Variants in FNIP2 observed in about 807,000 individuals in gnomAD.
FNIP2 encodes the protein folliculin interacting protein 2, also known as folliculin-interacting protein 2.
A neutral mutation model predicts 108.7 loss-of-function variants in FNIP2; 32 were observed. The observed-to-expected ratio is 0.29, with a 90% CI of 0.22 to 0.40. FNIP2 has a LOEUF of 0.40. Ranked by LOEUF, FNIP2 falls within the 10% of genes least tolerant of loss-of-function variation. The pLI, the probability that FNIP2 is intolerant of heterozygous loss-of-function variation, is 1.00. For missense variants in FNIP2, 1,202 were observed against 1,381.6 expected, an observed-to-expected ratio of 0.87 and a Z score of 2.06; for synonymous variants, 480 against 496.7, an observed-to-expected ratio of 0.97 and a Z score of 0.45.
In FNIP2 at chr4:158,859,563, T is replaced by C; in HGVS notation, c.1060-15T>C. On this transcript the variant is annotated splice_polypyrimidine_tract_variant and intron_variant, in intron 9 of 16. Transcript: ENST00000264433. ...TTTCTTCTCAGTAATTTGACTTGCT[T>C]TCTCTTCAATAAAGGCTATGATCTC... 1 of 1,606,614 alleles carries C rather than the reference T, an allele frequency of 6.2e-7. No homozygotes were observed. The highest frequency in any genetic ancestry group is 8.5e-7 in the Non-Finnish European group (1 of 1,175,162).
At chr4:158,795,045 T>G (rs1326146637) in intron 1 of FNIP2, among the ~76,000 whole-genome samples, 1 of 152,258 alleles carries the variant, frequency 6.6e-6, no homozygotes, top group Non-Finnish European at 1.5e-5. Flanking sequence ...ATGACAGTTC[T>G]ACTGGATGGA....
rs998307787 is a variant in FNIP2, at chr4:158,843,878, C to T, written c.728-7443C>T. Among the ~76,000 whole-genome samples, 3 of 152,186 alleles carry T rather than the reference C, an allele frequency of 2.0e-5. No individual in the cohort carries two copies. The South Asian group carries it at 6.2e-4, about 32-fold the overall frequency. On this transcript the variant is annotated intron_variant, in intron 7 of 16. Coordinates refer to ENST00000264433, the MANE Select transcript of FNIP2 (RefSeq NM_020840.3). ...TGCAGCATCCTTTCCCTAGATGTCT[C>T]CTTGCAAATGAAAATGCTTGGCAGG... is the stretch of plus-strand genomic sequence containing the variant.
At chr4:158,801,616 A>T (rs1776765873) in intron 1 of FNIP2, among the ~76,000 whole-genome samples, 1 of 152,184 alleles carries the variant, frequency 6.6e-6, no homozygotes, top group Non-Finnish European at 1.5e-5. Flanking sequence ...ATCTGTTAAG[A>T]GAAGATATTA....
chr4:158,860,856 C>T (rs995236758), intron 10 of FNIP2, among the ~76,000 whole-genome samples: 1 of 151,976 alleles, frequency 6.6e-6, no homozygotes, highest in Admixed American at 6.5e-5. Context: ...GGGGTTTCAC[C>T]ATATTGGCCA....
chr4:158,838,916 C>A (rs533567110), intron 7 of FNIP2, among the ~76,000 whole-genome samples: 5 of 152,172 alleles, frequency 3.3e-5, no homozygotes, highest in Admixed American at 3.3e-4. Flanking sequence ...TTGTAGATTG[C>A]CCCATTATTA....
intron 5 of FNIP2, 144 bp from the exon 6 acceptor site, chr4:158,833,384 A>G: frequency 1.8e-6 from 1 of 562,188 alleles, no homozygotes; most frequent in Non-Finnish European, 3.2e-6. Context: ...TCCCTTTGGT[A>G]GATGTGAGAC....
chr4:158,872,783 C>CAA, intron 14 of FNIP2: 1 of 956,400 alleles, frequency 1.0e-6, no homozygotes, highest in Non-Finnish European at 1.2e-6. Context: ...CATCCATTTA[C>CAA]AAACATTTGT....
chr4:158,880,169 A>G (rs1470115326), intron 14 of FNIP2, among the ~76,000 whole-genome samples: 1 of 150,984 alleles, frequency 6.6e-6, no homozygotes, highest in Non-Finnish European at 1.5e-5. Context: ...CACTATTCAC[A>G]ATAGCAAAGA....
At chr4:158,775,221 G>T (rs757242131) in intron 1 of FNIP2, among the ~76,000 whole-genome samples, 12 of 152,144 alleles carry the variant, frequency 7.9e-5, no homozygotes, top group South Asian at 2.1e-4. Flanking sequence ...GTTTTTCTTG[G>T]TGTGGGTGAA....
intron 14 of FNIP2, among the ~76,000 whole-genome samples, chr4:158,888,831 G>A (rs138534936): frequency 2.0e-4 from 30 of 150,476 alleles, no homozygotes; most frequent in African/African-American, 7.1e-4. Flanking sequence ...GCAGTGAGCC[G>A]AGATTGCACC....
intron 7 of FNIP2, among the ~76,000 whole-genome samples, chr4:158,850,834 T>A (rs937887518): frequency 2.6e-5 from 4 of 151,918 alleles, no homozygotes; most frequent in African/African-American, 9.7e-5. Context: ...GTGGACCATT[T>A]TAGTAGAAAT....
At chr4:158,801,946 C>CAAAGCCCAT (rs1776777708) in intron 1 of FNIP2, among the ~76,000 whole-genome samples, 1 of 152,272 alleles carries the variant, frequency 6.6e-6, no homozygotes, top group East Asian at 1.9e-4. Context: ...GATCTGTCTC[C>CAAAGCCCAT]AAAGCCCATT....
At chr4:158,833,355 C>T (rs1778585086) in intron 5 of FNIP2, among the ~76,000 whole-genome samples, 173 bp from the exon 6 acceptor site, 1 of 152,166 alleles carries the variant, frequency 6.6e-6, no homozygotes, top group African/African-American at 2.4e-5. Flanking sequence ...ACAAATTCAC[C>T]TGAAGTTGCA....
At chr4:158,830,248 C>CTTTTT (rs35746599) in intron 3 of FNIP2, among the ~76,000 whole-genome samples, 154 of 63,956 alleles carry the variant, frequency 2.4e-3, no homozygotes, top group African/African-American at 5.9e-3. Flanking sequence ...ATTTATCTTT[C>CTTTTT]TTTTTTTTTT....
Position 158,826,027 on chromosome 4 carries a change from G to A in FNIP2, c.219G>A (p.Glu73=). 1 of 1,607,078 alleles carries A rather than the reference G, an allele frequency of 6.2e-7. No individual in the cohort carries two copies. The highest frequency in any genetic ancestry group is 8.5e-7 in the Non-Finnish European group (1 of 1,174,338). ...ACTCTAAAGCTGTTCAAAAGATTGA[G>A]GAGGTGACAGCTCAGGTATGAAATG... The part of the protein sequence containing the change: ...LFDSKAVQKI[E]EVTAQKTEDV... Residue 73 remains glutamate (E), a synonymous_variant, in exon 2 of 17, where the codon GAG becomes GAA. Transcript: ENST00000264433.
intron 12 of FNIP2, 86 bp downstream of exon 12, chr4:158,861,862 C>T: frequency 6.9e-7 from 1 of 1,457,390 alleles, no homozygotes; most frequent in Non-Finnish European, 9.4e-7. Flanking sequence ...CCGGCTCTCT[C>T]ACCCAGTAAT....
At chr4:158,840,330 G>A (rs190419316) in intron 7 of FNIP2, among the ~76,000 whole-genome samples, 14 of 152,278 alleles carry the variant, frequency 9.2e-5, no homozygotes, top group Admixed American at 8.5e-4. Context: ...ATAGTCAGCT[G>A]TAATTTAGAA....
At chr4:158,857,825 G>T (rs1020908883) in intron 8 of FNIP2, among the ~76,000 whole-genome samples, 2 of 151,256 alleles carry the variant, frequency 1.3e-5, no homozygotes, top group African/African-American at 4.9e-5. Context: ...GCATGTGCCT[G>T]TAGTCCCAGC....
chr4:158,904,410 T>G, intron 16 of FNIP2, 56 bp from the exon 17 acceptor site: 7 of 1,407,440 alleles, frequency 5.0e-6, no homozygotes, highest in South Asian at 1.2e-5. Context: ...AAATAATACT[T>G]TCTCATAAAA....
Sources: gnomAD v4.1 joint callset for allele counts (sites outside exome capture counted in the v4.1 genomes callset) on GRCh38, gnomAD v4.1.1 for gene constraint, MANE v1.5 for transcripts, NCBI Gene and HGNC (gene_info 2026-07-23, HGNC 2026-07-21) for gene names.